The following HIP1 variants were observed in gnomAD, a reference collection of about 807,000 sequenced individuals.
HIP1 encodes the protein huntingtin interacting protein 1, also known as huntingtin-interacting protein 1.
Under a neutral mutation model 147.6 loss-of-function variants are expected in HIP1, and 65 were observed. The ratio of observed to expected loss-of-function variants is 0.44; its 90% CI spans 0.36 to 0.54. The LOEUF (loss-of-function observed/expected upper bound fraction) is 0.54. HIP1 is among the 20% of genes least tolerant of loss of function. The pLI is 0.00. For missense variants in HIP1, 1,061 were observed against 1,299.6 expected (o/e 0.82, Z 2.82); for synonymous variants, 479 against 504.0 (o/e 0.95, Z 0.67).
At chr7:75,643,725 C>T (rs1449252485) in intron 1 of HIP1, among the ~76,000 whole-genome samples, 3 of 152,048 alleles carry the variant, frequency 2.0e-5, no homozygotes, top group African/African-American at 4.8e-5. Flanking sequence ...TATGGCTGGG[C>T]GCGGTGGCTC....
At chr7:75,709,478 G>A (rs57366238) in intron 1 of HIP1, among the ~76,000 whole-genome samples, 14,184 of 152,046 alleles carry the variant, frequency 0.093, 1,146 homozygotes, top group African/African-American at 0.21. Context: ...TTTTCAGATC[G>A]TTCATTGTTC....
chr7:75,563,324 A>T, intron 9 of HIP1, 61 bp from the exon 10 acceptor site: 12 of 1,516,634 alleles, frequency 7.9e-6, no homozygotes, highest in Non-Finnish European at 1.1e-5. Context: ...TGTAGGGGAC[A>T]GAGCAGCCAC....
At chr7:75,567,620 G>A (rs1334385237) in intron 9 of HIP1, among the ~76,000 whole-genome samples, 1 of 151,134 alleles carries the variant, frequency 6.6e-6, no homozygotes, top group Non-Finnish European at 1.5e-5. Context: ...GGCCAACATG[G>A]TGAAACCCTA....
rs60081782 is a variant in HIP1 at position 75,608,853 on chromosome 7, C to T, written c.121-9606G>A. Among the ~76,000 whole-genome samples the T allele has an allele frequency of 5.8e-3, 884 of 152,222 alleles. 6 individuals are homozygous for T. The highest frequency in any genetic ancestry group is 0.02 in the African/African-American group (847 of 41,524). ...GACTCTGAAACGGCTGATCAGATGA[C>T]GGAGGGCTCTGGATATCAGGTCGAG... is the stretch of plus-strand genomic sequence containing the variant. On this transcript the variant is annotated intron_variant, in intron 1 of 30. Coordinates refer to ENST00000336926, the MANE Select transcript of HIP1 (RefSeq NM_005338.7).
chr7:75,709,900 A>G (rs529116844), intron 1 of HIP1, among the ~76,000 whole-genome samples: 2 of 151,964 alleles, frequency 1.3e-5, no homozygotes, highest in South Asian at 4.2e-4. Flanking sequence ...TTTGTTTTTG[A>G]GACATGGTGT....
chr7:75,569,817 G>A (rs778981183), intron 8 of HIP1, among the ~76,000 whole-genome samples: 2 of 152,072 alleles, frequency 1.3e-5, no homozygotes, highest in Admixed American at 1.3e-4. Context: ...GAAGTGAAAC[G>A]TCATAGCCAA....
In HIP1 at chr7:75,533,560, A is replaced by T. The variant is rs1554487989; in HGVS notation, c.*4612T>A. 1 of 231,954 alleles carries T rather than the reference A, an allele frequency of 4.3e-6. No homozygotes were observed. Among genetic ancestry groups the T allele is most frequent in the Non-Finnish European group, 8.5e-6 (1 of 117,320 alleles). The allele number at this position is 231,954 out of a possible 1,614,324, so 14.4% of individuals were successfully genotyped here. On this transcript the variant is annotated 3_prime_UTR_variant, in exon 31 of 31. Coordinates refer to ENST00000336926, the MANE Select transcript of HIP1 (RefSeq NM_005338.7). The stretch of plus-strand genomic sequence containing the variant: ...AAACTGAAATGTGAAAGAGTCTGTT[A>T]TAAGTTTGAGACAACTGCATTATCA...
rs782125241 is a variant in HIP1 at position 75,586,819 on chromosome 7, C to G, written c.399G>C (p.Glu133Asp). The stretch of plus-strand genomic sequence containing the variant: ...AGATGCTGCACAGCTGGCCATACCC[C>G]TCGCTCAGGTGGCCCTTTTAGGAAG... ...DMSRMWGHLSEGYGQLCSIYL... is the reference protein window; with the variant it reads ...DMSRMWGHLSDGYGQLCSIYL... Residue 133 changes from glutamate to aspartate, a missense_variant, in exon 5 of 31, where the codon GAG becomes GAC. Physicochemically the swap from Glu to Asp is conservative, Grantham distance 45. Around this residue, in one of 3 missense-constraint regions of HIP1, gnomAD observed 225 missense variants for 292.9 expected, o/e 0.77. Transcript: ENST00000336926. 1.7e-5 allele frequency: 27 copies of G among 1,612,646 alleles called. No individual in the cohort carries two copies. Among genetic ancestry groups the G allele is most frequent in the Non-Finnish European group, 2.1e-5 (25 of 1,178,854 alleles).
intron 1 of HIP1, among the ~76,000 whole-genome samples, chr7:75,692,086 T>C (rs1800473530): frequency 6.6e-6 from 1 of 152,092 alleles, no homozygotes; most frequent in South Asian, 2.1e-4. Flanking sequence ...ACCAACCAAC[T>C]GCTAGGCACA....
chr7:75,621,445 G>A (rs1437485442), intron 1 of HIP1, among the ~76,000 whole-genome samples: 1 of 152,140 alleles, frequency 6.6e-6, no homozygotes, highest in African/African-American at 2.4e-5. Flanking sequence ...TGGTAAAGAC[G>A]GGGTCTTGCC....
At chr7:75,581,892 A>G (rs181632989) in intron 6 of HIP1, among the ~76,000 whole-genome samples, 183 bp downstream of exon 6, 114 of 152,340 alleles carry the variant, frequency 7.5e-4, no homozygotes, top group African/African-American at 2.7e-3. Flanking sequence ...TGAAATAGCC[A>G]GGCAGGGGTT....
At chr7:75,649,954 T>C (rs782271675) in intron 1 of HIP1, among the ~76,000 whole-genome samples, 3 of 152,130 alleles carry the variant, frequency 2.0e-5, no homozygotes, top group Non-Finnish European at 4.4e-5. Flanking sequence ...CAGGTGTCCA[T>C]GGTCCCTTTC....
intron 21 of HIP1, 48 bp downstream of exon 21, chr7:75,554,065 C>T (rs1794898229): frequency 3.5e-6 from 5 of 1,436,014 alleles, no homozygotes; most frequent in South Asian, 1.2e-5. Flanking sequence ...TTTTAAAGGC[C>T]CCCTGCTCCC....
At chr7:75,609,434 A>G (rs1367222153) in intron 1 of HIP1, among the ~76,000 whole-genome samples, 2 of 152,122 alleles carry the variant, frequency 1.3e-5, no homozygotes, top group Non-Finnish European at 2.9e-5. Context: ...CCCATGGCTC[A>G]CTAACACTGT....
chr7:75,644,039 G>C (rs1798728669), intron 1 of HIP1, among the ~76,000 whole-genome samples: 1 of 152,052 alleles, frequency 6.6e-6, no homozygotes, highest in Non-Finnish European at 1.5e-5. Context: ...ACAGAAATAA[G>C]AAAGTATGGG....
At chr7:75,707,628 G>T (rs1479092431) in intron 1 of HIP1, among the ~76,000 whole-genome samples, 1 of 151,214 alleles carries the variant, frequency 6.6e-6, no homozygotes, top group Non-Finnish European at 1.5e-5. Flanking sequence ...CCAAAAAAGA[G>T]CCCGCATCGC....
chr7:75,584,974 G>A (rs747396743), intron 5 of HIP1, among the ~76,000 whole-genome samples: 1 of 151,330 alleles, frequency 6.6e-6, no homozygotes, highest in Non-Finnish European at 1.5e-5. Context: ...TCAGCCTCCT[G>A]AGTAGCTGGG....
rs868944846 is a variant in HIP1, at chr7:75,710,650, G to A, written c.120+28151C>T. On this transcript the variant is annotated intron_variant, in intron 1 of 30. Coordinates refer to ENST00000336926, the MANE Select transcript of HIP1 (RefSeq NM_005338.7). ...TGTCTGTAGGCCCAGCTACTTGGGA[G>A]GCTTAAGTGGGAGGATCACTTGAGG... is the stretch of plus-strand genomic sequence containing the variant. 6.6e-5 allele frequency among the ~76,000 whole-genome samples: 10 copies of A among 152,138 alleles called. No homozygotes were observed. In the South Asian group the frequency reaches 2.1e-3, roughly 32 times the overall value.
At chr7:75,709,156 A>G (rs528600978) in intron 1 of HIP1, among the ~76,000 whole-genome samples, 1 of 134,318 alleles carries the variant, frequency 7.4e-6, no homozygotes, top group Admixed American at 8.4e-5. Flanking sequence ...TTTGTTGCCC[A>G]GGCTGGAGTG....
Sources: gnomAD v4.1 joint callset for allele counts (sites outside exome capture counted in the v4.1 genomes callset) on GRCh38, gnomAD v4.1.1 for gene constraint, gnomAD v4.1.1 regional missense constraint, MANE v1.5 for transcripts, NCBI Gene and HGNC (gene_info 2026-07-23, HGNC 2026-07-21) for gene names.